The following MAP3K15 variants were observed in gnomAD, a reference collection of about 807,000 sequenced individuals.
MAP3K15 encodes the protein MAPK/ERK kinase kinase 15.
Under a neutral mutation model 99.5 loss-of-function variants are expected in MAP3K15, and 124 were observed. The ratio of observed to expected loss-of-function variants is 1.25; its 90% CI spans 1.08 to 1.45. The LOEUF is 1.45. Ranked by LOEUF, MAP3K15 falls within the 40% of genes most tolerant of loss-of-function variation. The pLI, the probability that MAP3K15 is intolerant of heterozygous loss-of-function variation, is 0.00. For missense variants in MAP3K15, 1,242 were observed against 1,079.7 expected (o/e 1.15, Z -2.11); for synonymous variants, 494 against 439.6 (o/e 1.12, Z -1.55).
chrX:19,439,015 T>C (rs2147324747), intron 6 of MAP3K15, among the ~76,000 whole-genome samples: 1 of 111,885 alleles, frequency 8.9e-6, no homozygotes, highest in East Asian at 2.8e-4. Context: ...CTGGCCAACA[T>C]GGTGAAACCC....
At chrX:19,392,144 G>A in intron 17 of MAP3K15, 37 bp from the exon 18 acceptor site, 1 of 1,114,905 alleles carries the variant, frequency 9.0e-7, no homozygotes, top group East Asian at 3.0e-5. Flanking sequence ...TTAAAAGACA[G>A]GCTGAAACGA....
At chrX:19,479,335 A>G (rs987610760) in intron 3 of MAP3K15, among the ~76,000 whole-genome samples, 1 of 110,882 alleles carries the variant, frequency 9.0e-6, no homozygotes, top group Non-Finnish European at 1.9e-5. Context: ...TGGCCATTTC[A>G]TCCCAACCCA....
intron 3 of MAP3K15, among the ~76,000 whole-genome samples, chrX:19,485,308 CAAAAAAAAA>C (rs368987947): frequency 2.5e-4 from 2 of 7,936 alleles, no homozygotes; most frequent in East Asian, 6.2e-3. Flanking sequence ...GACTCTGTCT[CAAAAAAAAA>C]AAAAAAAAAA....
rs1366630259 is a variant in MAP3K15, at chrX:19,425,615, A to T, written c.1355T>A (p.Phe452Tyr). Residue 452 changes from phenylalanine to tyrosine, a missense_variant, in exon 9 of 29, where the codon TTC becomes TAC. Phe to Tyr is a conservative substitution (Grantham distance 22, BLOSUM62 3). Transcript: ENST00000338883. ...KMNNYWDVGQ[F>Y]FSVSMLAHDV... ...ATGGGCCAGCATGCTGACGCTGAAGAACTGACCCACATCCCAGTAATTGTT... is the reference window on the plus strand; with the variant it reads ...ATGGGCCAGCATGCTGACGCTGAAGTACTGACCCACATCCCAGTAATTGTT... 1.7e-6 allele frequency: 2 copies of T among 1,197,518 alleles called. No homozygotes were observed. Among genetic ancestry groups the T allele is most frequent in the Non-Finnish European group, 2.2e-6 (2 of 894,149 alleles).
At chrX:19,513,901 C>T (rs2064538033) in intron 1 of MAP3K15, among the ~76,000 whole-genome samples, 2 of 109,995 alleles carry the variant, frequency 1.8e-5, no homozygotes, top group African/African-American at 3.3e-5. Flanking sequence ...ATCCAAAGTA[C>T]GCTTCTTAAG....
intron 7 of MAP3K15, among the ~76,000 whole-genome samples, chrX:19,428,174 C>T (rs748427399): frequency 9.0e-6 from 1 of 111,643 alleles, no homozygotes; most frequent in African/African-American, 3.3e-5. Flanking sequence ...TCCGTGTCTG[C>T]ACTGGAGAGT....
At chrX:19,510,425 A>C (rs1233256724) in intron 1 of MAP3K15, among the ~76,000 whole-genome samples, 13 of 112,202 alleles carry the variant, frequency 1.2e-4, no homozygotes, top group Admixed American at 2.9e-4. Context: ...GATCACATAA[A>C]CAGAACCAAT....
chrX:19,514,943 C>T lies in MAP3K15; in HGVS notation c.319G>A (p.Asp107Asn). ...HLTSVPFGEL[D>N]FGETAVLDAF... ...TCGAGCACGGCCGTCTCCCCGAAGT[C>T]CAGCTCCCCGAAGGGCACGGAGGTG... is the stretch of plus-strand genomic sequence containing the variant. The change falls in exon 1 of 29, where the codon GAC (aspartate) becomes AAC (asparagine). Residue 107 changes from aspartate (D) to asparagine (N), a missense_variant. Asp to Asn is a conservative substitution (Grantham distance 23). Coordinates refer to ENST00000338883, the MANE Select transcript of MAP3K15 (RefSeq NM_001001671.4). The T allele has an allele frequency of 8.7e-7, 1 of 1,151,587 alleles. No homozygotes were observed. The highest frequency in any genetic ancestry group is 1.1e-6 in the Non-Finnish European group (1 of 870,546). 94.9% of individuals were successfully genotyped at this position (1,151,587 alleles called of 1,213,427 possible).
chrX:19,475,589 G>A (rs1277081822), intron 3 of MAP3K15, among the ~76,000 whole-genome samples: 2 of 110,982 alleles, frequency 1.8e-5, no homozygotes, highest in East Asian at 5.7e-4. Flanking sequence ...TTCCTTCAGT[G>A]GGCTGCACAT....
intron 1 of MAP3K15, among the ~76,000 whole-genome samples, chrX:19,500,905 A>G (rs2064436515): frequency 8.9e-6 from 1 of 112,177 alleles, no homozygotes; most frequent in South Asian, 3.7e-4. Context: ...CAGCCCACGG[A>G]TATCTACTCT....
At chrX:19,394,927 G>A (rs2063557456) in intron 16 of MAP3K15, among the ~76,000 whole-genome samples, 154 bp downstream of exon 16, 1 of 101,321 alleles carries the variant, frequency 9.9e-6, no homozygotes, top group Non-Finnish European at 2.0e-5. Context: ...GGGCTCAAGT[G>A]ATCTTCCCAT....
chrX:19,369,267 G>A, intron 24 of MAP3K15, 48 bp from the exon 25 acceptor site: 1 of 1,197,037 alleles, frequency 8.4e-7, no homozygotes, highest in Non-Finnish European at 1.1e-6. Context: ...CAGGCCAGTG[G>A]GGCCTGGGGT....
chrX:19,417,404 G>A (rs944511569), intron 9 of MAP3K15, among the ~76,000 whole-genome samples: 3 of 112,084 alleles, frequency 2.7e-5, no homozygotes, highest in Non-Finnish European at 3.8e-5. Context: ...TATATCCCGC[G>A]CCTGGCTCAG....
At chrX:19,453,597 G>C (rs1254327448) in intron 6 of MAP3K15, among the ~76,000 whole-genome samples, 1 of 110,133 alleles carries the variant, frequency 9.1e-6, no homozygotes, top group African/African-American at 3.3e-5. Context: ...GTTACATTTT[G>C]GGCCCTTGCC....
At chrX:19,365,631 G>T (rs1290064303) in intron 25 of MAP3K15, among the ~76,000 whole-genome samples, 2 of 112,442 alleles carry the variant, frequency 1.8e-5, no homozygotes, top group Admixed American at 1.9e-4. Context: ...CATGGGATTT[G>T]TTTCTTAACT....
intron 9 of MAP3K15, among the ~76,000 whole-genome samples, chrX:19,417,803 G>C (rs191998773): frequency 0.019 from 2,115 of 112,010 alleles, 62 homozygotes; most frequent in African/African-American, 0.065. Flanking sequence ...AGTAGGGGCA[G>C]ACTGACACCT....
At chrX:19,364,807 C>T (rs2063322577) in intron 25 of MAP3K15, among the ~76,000 whole-genome samples, 1 of 105,990 alleles carries the variant, frequency 9.4e-6, no homozygotes, top group Non-Finnish European at 1.9e-5. Flanking sequence ...GCAGGAGAAT[C>T]GCTTTAACCT....
Position 19,480,612 on chromosome X carries a change from C to T in MAP3K15, c.525+5870G>A, listed in dbSNP as rs764531001. On this transcript the variant is annotated intron_variant, in intron 3 of 28. Coordinates refer to ENST00000338883, the MANE Select transcript of MAP3K15 (RefSeq NM_001001671.4). The stretch of plus-strand genomic sequence containing the variant: ...GGTGGATCACCTGAGGTCAGGAGTT[C>T]GAGATCAGCCTGGCCAACACTGCAA... 4.1e-5 allele frequency among the ~76,000 whole-genome samples: 4 copies of T among 97,869 alleles called. No homozygotes were observed. The South Asian group carries it at 1.5e-3, about 36-fold the overall frequency. The allele number at this position is 97,869 out of a possible 115,157, so 85.0% of individuals were successfully genotyped here. A position where few individuals can be genotyped will look rare whatever the true frequency, so the allele number is the denominator to read the frequency against.
At chrX:19,395,757 A>G (rs891224953) in intron 15 of MAP3K15, among the ~76,000 whole-genome samples, 3 of 111,920 alleles carry the variant, frequency 2.7e-5, no homozygotes, top group African/African-American at 6.5e-5. Flanking sequence ...CCTTCCCCAC[A>G]TAAATTCCAC....
Sources: allele counts gnomAD v4.1 joint callset (sites outside exome capture counted in the v4.1 genomes callset), GRCh38; gene constraint gnomAD v4.1.1; transcripts MANE v1.5; gene names NCBI Gene and HGNC (gene_info 2026-07-23, HGNC 2026-07-21).